DACH2: variants seen among roughly 807,000 people sequenced by gnomAD.
The protein encoded by DACH2 is dachshund family transcription factor 2, also known as dachshund homolog 2.
In DACH2, 17 loss-of-function variants were observed where a neutral mutation model predicts 35.8. The ratio of observed to expected loss-of-function variants is 0.48; its 90% CI spans 0.33 to 0.71. The LOEUF (loss-of-function observed/expected upper bound fraction) is 0.71. DACH2 is among the 30% of genes least tolerant of loss of function. The pLI is 0.02. For synonymous variants in DACH2, 195 were observed against 177.3 expected, an observed-to-expected ratio of 1.10 and a Z score of -0.79; for missense variants, 469 against 472.7, an observed-to-expected ratio of 0.99 and a Z score of 0.07.
chrX:86,417,033 G>T (rs944966067), intron 2 of DACH2, among the ~76,000 whole-genome samples: 2 of 91,774 alleles, frequency 2.2e-5, no homozygotes, highest in Non-Finnish European at 4.1e-5. Flanking sequence ...GGTGGAGGTT[G>T]CAGTGAGTCG....
Position 86,148,605 on chromosome X carries a change from T to G in DACH2, c.-16T>G. On this transcript the variant is annotated 5_prime_UTR_variant, in exon 1 of 12. Coordinates refer to ENST00000373125, the MANE Select transcript of DACH2 (RefSeq NM_053281.3). ...AAAGCGAGGGCCGGAGGACCCACGATAGAGACAGAGTGACCATGGCTGTCT... is the reference window on the plus strand; with the variant it reads ...AAAGCGAGGGCCGGAGGACCCACGAGAGAGACAGAGTGACCATGGCTGTCT... The G allele has an allele frequency of 8.7e-7, 1 of 1,148,210 alleles. No homozygotes were observed. Among genetic ancestry groups the G allele is most frequent in the Non-Finnish European group, 1.2e-6 (1 of 864,048 alleles). 94.6% of individuals were successfully genotyped at this position (1,148,210 alleles called of 1,213,427 possible).
At chrX:86,666,160 A>G (rs1231564080) in intron 4 of DACH2, among the ~76,000 whole-genome samples, 1 of 111,194 alleles carries the variant, frequency 9.0e-6, no homozygotes, top group African/African-American at 3.3e-5. Context: ...TTGCTTCTGG[A>G]TGATATTTTC....
chrX:86,284,549 T>TTTTC (rs200008858), intron 1 of DACH2, among the ~76,000 whole-genome samples: 1 of 111,503 alleles, frequency 9.0e-6, no homozygotes, highest in Non-Finnish European at 1.9e-5. Context: ...TGTAGTTTTC[T>TTTTC]TTTCTTTCTT....
intron 11 of DACH2, 36 bp from the exon 12 acceptor site, chrX:86,832,070 C>G (rs747438463): frequency 2.9e-6 from 3 of 1,021,516 alleles, no homozygotes; most frequent in South Asian, 2.0e-5. Flanking sequence ...CAGAATGACT[C>G]TTCATAAGAA....
intron 3 of DACH2, among the ~76,000 whole-genome samples, chrX:86,585,429 A>G (rs1030703817): frequency 2.7e-5 from 3 of 110,911 alleles, no homozygotes; most frequent in African/African-American, 9.8e-5. Context: ...TTCGGGGTAC[A>G]CATGCAGGTT....
chrX:86,610,363 C>CTCCTTCTT (rs2039916875), intron 3 of DACH2, among the ~76,000 whole-genome samples: 10 of 70,096 alleles, frequency 1.4e-4, no homozygotes, highest in African/African-American at 5.5e-4. Flanking sequence ...TCCTTCCTTC[C>CTCCTTCTT]TCTTTCTTTC....
At position 86,504,479 on chromosome X, in the gene DACH2, TATTTA is replaced by T. The variant is rs1236591062; in HGVS notation, c.528-9799_528-9795del. ...AGTGAGGGAGGGAAAAAATAGATCT[TATTTA>T]TTTATTTATTTATTTATTTATTTAT... On this transcript the variant is annotated intron_variant, in intron 2 of 11. Transcript: ENST00000373125. Among the ~76,000 whole-genome samples, 4 of 67,251 alleles carry T rather than the reference TATTTA, an allele frequency of 5.9e-5. No homozygotes were observed. The South Asian group carries it at 1.9e-3, about 31-fold the overall frequency. 58.4% of individuals were successfully genotyped at this position (67,251 alleles called of 115,157 possible). A position where few individuals can be genotyped will look rare whatever the true frequency, so the allele number is the denominator to read the frequency against.
chrX:86,551,404 C>T (rs2039047126), intron 3 of DACH2, among the ~76,000 whole-genome samples: 1 of 111,674 alleles, frequency 9.0e-6, no homozygotes, highest in Non-Finnish European at 1.9e-5. Flanking sequence ...AGCTTTTTGT[C>T]CCATGGTCTT....
chrX:86,729,142 G>C (rs1277990207), intron 6 of DACH2, among the ~76,000 whole-genome samples: 23 of 112,414 alleles, frequency 2.0e-4, no homozygotes, highest in Admixed American at 1.9e-3. Context: ...CAGGGGCAGA[G>C]CTGCCCAAGG....
At chrX:86,502,220 C>T (rs1270747976) in intron 2 of DACH2, among the ~76,000 whole-genome samples, 2 of 111,442 alleles carry the variant, frequency 1.8e-5, no homozygotes, top group Non-Finnish European at 3.8e-5. Flanking sequence ...ACAAACTGCT[C>T]ACTTTACCAT....
At position 86,621,911 on chromosome X, in the gene DACH2, C is replaced by T. The variant is rs370726860; in HGVS notation, c.641-29125C>T. ...ATAATGTAGCTTAAAATTAAGAAGG[C>T]TCTTTGCCATTTACAAATTTAGTGA... On this transcript the variant is annotated intron_variant, in intron 3 of 11. Coordinates refer to ENST00000373125, the MANE Select transcript of DACH2 (RefSeq NM_053281.3). Among the ~76,000 whole-genome samples, 132 of 111,843 alleles carry T rather than the reference C, an allele frequency of 1.2e-3. 7 individuals carry two copies. The South Asian group carries it at 0.047, about 39-fold the overall frequency.
At position 86,241,881 on chromosome X, in the gene DACH2, C is replaced by T. The variant is rs1048155400; in HGVS notation, c.488+92773C>T. Among the ~76,000 whole-genome samples the T allele has an allele frequency of 9.8e-5, 11 of 112,757 alleles. No homozygotes were observed. In the South Asian group the frequency reaches 1.8e-3, roughly 19 times the overall value. ...GCTTCAGAGGGTACAAGTCCCAAGC[C>T]TTGGCAGCTTCCACATGGTGTTGGG... On this transcript the variant is annotated intron_variant, in intron 1 of 11. Transcript: ENST00000373125.
chrX:86,447,107 C>T (rs1195948907), intron 2 of DACH2, among the ~76,000 whole-genome samples: 3 of 96,197 alleles, frequency 3.1e-5, no homozygotes, highest in Admixed American at 1.2e-4. Flanking sequence ...TGAGAAGTGT[C>T]TGTTCATGTC....
At chrX:86,300,161 C>A (rs752989384) in intron 1 of DACH2, among the ~76,000 whole-genome samples, 11 of 110,844 alleles carry the variant, frequency 9.9e-5, no homozygotes, top group Non-Finnish European at 2.1e-4. Context: ...TACCCATTAG[C>A]CGTTAATTAT....
At chrX:86,298,667 C>A (rs1246055290) in intron 1 of DACH2, among the ~76,000 whole-genome samples, 1 of 111,731 alleles carries the variant, frequency 9.0e-6, no homozygotes, top group Non-Finnish European at 1.9e-5. Context: ...TTAAAAATGT[C>A]ATTGTAGAGA....
intron 1 of DACH2, among the ~76,000 whole-genome samples, chrX:86,186,166 A>G (rs1226890275): frequency 8.9e-6 from 1 of 112,731 alleles, no homozygotes; most frequent in East Asian, 2.8e-4. Flanking sequence ...TCTATACATT[A>G]AGCCATCATT....
intron 5 of DACH2, among the ~76,000 whole-genome samples, chrX:86,707,518 G>A (rs2041229021): frequency 9.0e-6 from 1 of 111,468 alleles, no homozygotes; most frequent in Admixed American, 9.5e-5. Flanking sequence ...AAATACCAGA[G>A]AAAGATAACA....
chrX:86,774,342 G>A (rs1434381889), intron 7 of DACH2, among the ~76,000 whole-genome samples: 1 of 111,874 alleles, frequency 8.9e-6, no homozygotes, highest in African/African-American at 3.2e-5. Flanking sequence ...CCTTTCATCT[G>A]TTGAAATAAT....
chrX:86,381,036 T>G (rs2036038989), intron 2 of DACH2, among the ~76,000 whole-genome samples: 1 of 110,366 alleles, frequency 9.1e-6, no homozygotes, highest in Admixed American at 9.7e-5. Context: ...AATTTTTTGT[T>G]GGAAACCGTG....
Sources: gnomAD v4.1 joint callset for allele counts (sites outside exome capture counted in the v4.1 genomes callset) on GRCh38, gnomAD v4.1.1 for gene constraint, MANE v1.5 for transcripts, NCBI Gene and HGNC (gene_info 2026-07-23, HGNC 2026-07-21) for gene names.